The following CHST9 variants were observed in gnomAD, a reference collection of about 807,000 sequenced individuals.
CHST9 encodes the protein carbohydrate sulfotransferase 9.
Under a neutral mutation model 44.4 loss-of-function variants are expected in CHST9, and 41 were observed. That is an observed-to-expected ratio of 0.92 (90% CI 0.72 to 1.20). The LOEUF (loss-of-function observed/expected upper bound fraction) is 1.20, where lower values mean the gene tolerates loss of function less well. Among genes scored for constraint, CHST9 ranks in the 50% most tolerant of loss-of-function variants. The probability of loss-of-function intolerance (pLI) is 0.00; values close to 1 mark genes in which losing one functional copy is unlikely to be tolerated. For missense variants in CHST9, 504 were observed against 516.5 expected, an observed-to-expected ratio of 0.98 and a Z score of 0.23; for synonymous variants, 171 against 178.4, an observed-to-expected ratio of 0.96 and a Z score of 0.33.
intron 2 of CHST9, among the ~76,000 whole-genome samples, chr18:27,088,346 T>C (rs1320314576): frequency 6.6e-6 from 1 of 152,032 alleles, no homozygotes; most frequent in Non-Finnish European, 1.5e-5. Flanking sequence ...GTTACTAATA[T>C]ACTTAGTTAC....
intron 2 of CHST9, among the ~76,000 whole-genome samples, chr18:27,054,147 ATGAAGTCAATTTTAGTAC>A (rs1382810072): frequency 1.3e-5 from 2 of 152,226 alleles, no homozygotes; most frequent in East Asian, 3.8e-4. Context: ...GCTGGAGAAC[ATGAAGTCAATTTTAGTAC>A]TGCTAAAATG....
chr18:27,012,081 C>G (rs773622539), intron 4 of CHST9, among the ~76,000 whole-genome samples: 64 of 152,322 alleles, frequency 4.2e-4, no homozygotes, highest in Non-Finnish European at 7.6e-4. Flanking sequence ...TGCCCAGACT[C>G]TGATGCCACT....
chr18:27,010,334 A>G (rs1162481251), intron 4 of CHST9, among the ~76,000 whole-genome samples: 1 of 152,150 alleles, frequency 6.6e-6, no homozygotes, highest in Non-Finnish European at 1.5e-5. Flanking sequence ...TATGAAAAAA[A>G]CAGCCTCCTC....
At chr18:27,147,253 T>C (rs893137805) in intron 1 of CHST9, among the ~76,000 whole-genome samples, 12 of 151,912 alleles carry the variant, frequency 7.9e-5, no homozygotes, top group Non-Finnish European at 1.5e-5. Context: ...TTTTAGTAGA[T>C]ACGGGGTTTC....
chr18:27,022,582 A>G (rs185176656), intron 4 of CHST9, among the ~76,000 whole-genome samples: 1 of 152,286 alleles, frequency 6.6e-6, no homozygotes, highest in East Asian at 1.9e-4. Flanking sequence ...CCTCAGCTCT[A>G]TACAACTAAC....
chr18:26,923,630 G>A (rs1447250317), intron 5 of CHST9, among the ~76,000 whole-genome samples: 1 of 152,124 alleles, frequency 6.6e-6, no homozygotes, highest in Admixed American at 6.5e-5. Flanking sequence ...TTTCATCAAT[G>A]CACATATATG....
At chr18:27,168,231 C>T (rs1208618982) in intron 1 of CHST9, among the ~76,000 whole-genome samples, 2 of 152,066 alleles carry the variant, frequency 1.3e-5, no homozygotes, top group Non-Finnish European at 2.9e-5. Flanking sequence ...CCCACCACCA[C>T]GCCCGGCTAA....
chr18:27,140,456 T>C (rs1413005809), intron 2 of CHST9, among the ~76,000 whole-genome samples: 1 of 152,256 alleles, frequency 6.6e-6, no homozygotes, highest in African/African-American at 2.4e-5. Context: ...TCCTTAGATA[T>C]ATAATTTCTT....
In CHST9 at chr18:27,163,597, G is replaced by A. The variant is rs573714918; in HGVS notation, c.-96-20692C>T. Among the ~76,000 whole-genome samples, 16 of 152,318 alleles carry A rather than the reference G, an allele frequency of 1.1e-4. No homozygotes were observed. In the East Asian group the frequency reaches 1.2e-3, roughly 11 times the overall value. On this transcript the variant is annotated intron_variant, in intron 1 of 5. Transcript: ENST00000618847. ...TAGCAATGAGCGAGGCTCCGTGGGCGTAGGACCCTCCAAGCCAGGTGCAGG... is the reference window on the plus strand; with the variant it reads ...TAGCAATGAGCGAGGCTCCGTGGGCATAGGACCCTCCAAGCCAGGTGCAGG...
At chr18:27,123,347 A>G (rs141952493) in intron 2 of CHST9, among the ~76,000 whole-genome samples, 296 of 152,250 alleles carry the variant, frequency 1.9e-3, no homozygotes, top group African/African-American at 6.4e-3. Flanking sequence ...GTGCCCTGTA[A>G]TACCCCCCAA....
chr18:27,126,072 T>C (rs1183084547), intron 2 of CHST9, among the ~76,000 whole-genome samples: 3 of 152,126 alleles, frequency 2.0e-5, no homozygotes, highest in Admixed American at 1.3e-4. Context: ...GATAAAGAAG[T>C]TTTGCAGAAG....
chr18:27,180,747 C>A (rs1192959275), intron 1 of CHST9, among the ~76,000 whole-genome samples: 1 of 152,102 alleles, frequency 6.6e-6, no homozygotes, highest in East Asian at 1.9e-4. Context: ...AATGAGGACA[C>A]AGGAATAAAT....
intron 1 of CHST9, among the ~76,000 whole-genome samples, chr18:27,143,544 G>C (rs1385025362): frequency 6.6e-6 from 1 of 151,870 alleles, no homozygotes; most frequent in Non-Finnish European, 1.5e-5. Context: ...TAAAAATACT[G>C]AACAGATTTT....
At chr18:27,121,270 G>A (rs1004266978) in intron 2 of CHST9, among the ~76,000 whole-genome samples, 9 of 152,228 alleles carry the variant, frequency 5.9e-5, no homozygotes, top group Admixed American at 4.6e-4. Flanking sequence ...CTTCAAAAGT[G>A]TTGGGATTCC....
intron 1 of CHST9, among the ~76,000 whole-genome samples, chr18:27,179,200 T>A (rs945799991): frequency 5.3e-5 from 8 of 151,914 alleles, no homozygotes; most frequent in African/African-American, 1.9e-4. Context: ...AGCATGTACT[T>A]CAGTTTGTCA....
intron 1 of CHST9, among the ~76,000 whole-genome samples, chr18:27,148,252 T>C (rs1054176579): frequency 6.6e-6 from 1 of 151,758 alleles, no homozygotes; most frequent in Admixed American, 6.6e-5. Context: ...CATTTTCTTT[T>C]TTTTTAATTT....
intron 4 of CHST9, among the ~76,000 whole-genome samples, chr18:26,948,720 C>G (rs1457462032): frequency 2.0e-5 from 3 of 152,132 alleles, no homozygotes; most frequent in African/African-American, 7.2e-5. Flanking sequence ...GTTTGCCTAT[C>G]TATAACAAAG....
At chr18:27,121,464 G>A (rs1051282497) in intron 2 of CHST9, among the ~76,000 whole-genome samples, 1 of 152,130 alleles carries the variant, frequency 6.6e-6, no homozygotes, top group Admixed American at 6.6e-5. Context: ...TATAACTCAG[G>A]TTGGCCAATC....
intron 4 of CHST9, among the ~76,000 whole-genome samples, chr18:26,975,723 G>GTGTA (rs1186659420): frequency 8.4e-5 from 5 of 59,356 alleles, no homozygotes; most frequent in South Asian, 1.1e-3. Flanking sequence ...GTGTGTGTGT[G>GTGTA]TGTATATATA....
Sources: gnomAD v4.1 joint callset for allele counts (sites outside exome capture counted in the v4.1 genomes callset) on GRCh38, gnomAD v4.1.1 for gene constraint, MANE v1.5 for transcripts, NCBI Gene and HGNC (gene_info 2026-07-23, HGNC 2026-07-21) for gene names.